Variants in WWOX observed in about 807,000 individuals in gnomAD.
The protein encoded by WWOX is WW domain-containing oxidoreductase.
A neutral mutation model predicts 46.2 loss-of-function variants in WWOX; 69 were observed. That is an observed-to-expected ratio of 1.49 (90% CI 1.23 to 1.82). The LOEUF (loss-of-function observed/expected upper bound fraction) is 1.82. Ranked by LOEUF, WWOX falls within the 40% of genes most tolerant of loss-of-function variation. The probability of loss-of-function intolerance (pLI) is 0.00; values close to 1 mark genes in which losing one functional copy is unlikely to be tolerated. For missense variants in WWOX, 919 were observed against 542.6 expected (o/e 1.69, Z -6.89); for synonymous variants, 359 against 202.6 (o/e 1.77, Z -6.56).
intron 8 of WWOX, among the ~76,000 whole-genome samples, chr16:78,655,612 G>T (rs1242211012): frequency 6.6e-6 from 1 of 151,908 alleles, no homozygotes; most frequent in Non-Finnish European, 1.5e-5. Context: ...CTACAAAATG[G>T]AACGGCTAAG....
At chr16:78,802,252 G>C (rs1346589316) in intron 8 of WWOX, among the ~76,000 whole-genome samples, 7 of 135,052 alleles carry the variant, frequency 5.2e-5, no homozygotes, top group Non-Finnish European at 6.1e-5. Context: ...TGCGTGCAAG[G>C]CTTTCTGTCA....
rs183426088 is a variant in WWOX, at chr16:78,953,741, T to C, written c.1057-257867T>C. Among the ~76,000 whole-genome samples, 268 of 152,298 alleles carry C rather than the reference T, an allele frequency of 1.8e-3. 2 individuals are homozygous for C. Among genetic ancestry groups the C allele is most frequent in the African/African-American group, 6.1e-3 (255 of 41,564 alleles). On this transcript the variant is annotated intron_variant, in intron 8 of 8. Transcript: ENST00000566780. Reference sequence around the variant, plus strand: ...ATAAACTCTTTCCTGGAATGCCTGCTCTCATCACCTGGTTTCAAAGTCGAG... The same window carrying C: ...ATAAACTCTTTCCTGGAATGCCTGCCCTCATCACCTGGTTTCAAAGTCGAG...
At chr16:78,391,149 A>T (rs549431564) in intron 6 of WWOX, among the ~76,000 whole-genome samples, 1 of 152,172 alleles carries the variant, frequency 6.6e-6, no homozygotes, top group East Asian at 1.9e-4. Flanking sequence ...GGAGATGGGG[A>T]TCAGCCTCTT....
intron 5 of WWOX, among the ~76,000 whole-genome samples, chr16:78,363,948 G>T (rs1391037716): frequency 2.0e-5 from 3 of 152,186 alleles, no homozygotes; most frequent in Non-Finnish European, 4.4e-5. Context: ...AAGAATGCCT[G>T]TCACTCTTGC....
At chr16:79,184,847 T>C (rs1427125383) in intron 8 of WWOX, among the ~76,000 whole-genome samples, 2 of 152,158 alleles carry the variant, frequency 1.3e-5, no homozygotes, top group African/African-American at 4.8e-5. Context: ...GACAGTTGGC[T>C]CCAGAGGAAG....
chr16:79,074,006 A>T lies in WWOX; in HGVS notation c.1057-137602A>T, dbSNP rs530091027. On this transcript the variant is annotated intron_variant, in intron 8 of 8. Transcript: ENST00000566780. ...TTATTTGCCAAAGGTCTGAGGAAAA[A>T]AAAAGCCTTTCACCATGGTTAGTTC... Among the ~76,000 whole-genome samples, 71 of 151,556 alleles carry T rather than the reference A, an allele frequency of 4.7e-4. 1 individual carries two copies. The highest frequency in any genetic ancestry group is 7.2e-4 in the Admixed American group (11 of 15,180).
At chr16:78,373,153 C>T (rs1033055805) in intron 5 of WWOX, among the ~76,000 whole-genome samples, 2 of 152,040 alleles carry the variant, frequency 1.3e-5, no homozygotes, top group African/African-American at 4.8e-5. Flanking sequence ...CGTGGAGCAG[C>T]CAGCACACAA....
intron 8 of WWOX, among the ~76,000 whole-genome samples, chr16:78,609,049 A>G (rs1331843983): frequency 1.3e-5 from 2 of 152,216 alleles, no homozygotes; most frequent in Non-Finnish European, 2.9e-5. Flanking sequence ...TTAAAATGAT[A>G]GAAAAATTAG....
intron 8 of WWOX, among the ~76,000 whole-genome samples, chr16:78,883,326 A>G (rs987951146): frequency 6.6e-6 from 1 of 152,192 alleles, no homozygotes; most frequent in African/African-American, 2.4e-5. Context: ...CCATCCGGTG[A>G]CATCCTGGAT....
chr16:78,286,754 C>G (rs1265770356), intron 5 of WWOX, among the ~76,000 whole-genome samples: 6 of 151,842 alleles, frequency 4.0e-5, no homozygotes, highest in Non-Finnish European at 7.4e-5. Flanking sequence ...CATTATGTAC[C>G]CTATACCTAT....
At chr16:78,572,168 T>C (rs1466549117) in intron 8 of WWOX, among the ~76,000 whole-genome samples, 1 of 152,138 alleles carries the variant, frequency 6.6e-6, no homozygotes, top group Non-Finnish European at 1.5e-5. Context: ...CTGAAAGTCC[T>C]CCAAAAGCCG....
chr16:78,499,672 G>T (rs1315618929), intron 8 of WWOX, among the ~76,000 whole-genome samples: 1 of 152,116 alleles, frequency 6.6e-6, no homozygotes, highest in Non-Finnish European at 1.5e-5. Context: ...TCCCTATTAG[G>T]CTTTGACTCC....
At chr16:79,183,778 C>T (rs1268689514) in intron 8 of WWOX, among the ~76,000 whole-genome samples, 1 of 152,202 alleles carries the variant, frequency 6.6e-6, no homozygotes, top group Non-Finnish European at 1.5e-5. Flanking sequence ...GTTAAATCAT[C>T]TGCCCTAGGT....
At chr16:78,311,305 C>A (rs529871955) in intron 5 of WWOX, among the ~76,000 whole-genome samples, 2 of 152,094 alleles carry the variant, frequency 1.3e-5, no homozygotes, top group African/African-American at 4.8e-5. Flanking sequence ...TAAACAAATT[C>A]CTTTCTTGAT....
At chr16:78,168,211 C>T (rs1026913406) in intron 5 of WWOX, 1 of 152,238 alleles carries the variant, frequency 6.6e-6, no homozygotes, top group African/African-American at 2.4e-5. Context: ...TTCATTCCTC[C>T]ATCCCAACTT....
chr16:78,428,187 T>G (rs2083131733), intron 7 of WWOX, among the ~76,000 whole-genome samples: 1 of 152,254 alleles, frequency 6.6e-6, no homozygotes, highest in Non-Finnish European at 1.5e-5. Flanking sequence ...TGTCAATATT[T>G]TAATGTACTA....
intron 8 of WWOX, among the ~76,000 whole-genome samples, chr16:78,669,045 A>T (rs1474251630): frequency 6.6e-6 from 1 of 152,166 alleles, no homozygotes; most frequent in East Asian, 1.9e-4. Context: ...TACAGAAGTG[A>T]CCCTCCAGGA....
At chr16:79,126,177 G>A (rs906634322) in intron 8 of WWOX, among the ~76,000 whole-genome samples, 1 of 152,148 alleles carries the variant, frequency 6.6e-6, no homozygotes, top group African/African-American at 2.4e-5. Context: ...GATGGGGAAA[G>A]AGGATGTGAG....
intron 8 of WWOX, among the ~76,000 whole-genome samples, chr16:78,730,071 G>C (rs1157937944): frequency 2.0e-5 from 3 of 152,066 alleles, no homozygotes; most frequent in African/African-American, 7.2e-5. Flanking sequence ...TTTTAGTTGT[G>C]TACATGGTGG....
Sources: gnomAD v4.1 joint callset for allele counts (sites outside exome capture counted in the v4.1 genomes callset) on GRCh38, gnomAD v4.1.1 for gene constraint, MANE v1.5 for transcripts, NCBI Gene and HGNC (gene_info 2026-07-23, HGNC 2026-07-21) for gene names.